The following KIRREL1 variants were observed in gnomAD, a reference collection of about 807,000 sequenced individuals.
The protein encoded by KIRREL1 is kin of IRRE-like protein 1.
KIRREL1 carries 25 observed loss-of-function variants against 83.3 expected under a neutral mutation model. That is an observed-to-expected ratio of 0.30 (90% CI 0.22 to 0.42). KIRREL1 has a LOEUF of 0.42. Ranked by LOEUF, KIRREL1 falls within the 10% of genes least tolerant of loss-of-function variation. The pLI, the probability that KIRREL1 is intolerant of heterozygous loss-of-function variation, is 1.00. For synonymous variants in KIRREL1, 388 were observed against 410.4 expected (o/e 0.95, Z 0.66); for missense variants, 812 against 1,032.3 (o/e 0.79, Z 2.92).
Position 157,994,094 on chromosome 1 carries a change from G to A in KIRREL1, c.52+366G>A, listed in dbSNP as rs1211470400. 3.3e-5 allele frequency among the ~76,000 whole-genome samples: 5 copies of A among 152,346 alleles called. No individual in the cohort carries two copies. The East Asian group carries it at 5.8e-4, about 18-fold the overall frequency. Reference sequence around the variant, plus strand: ...TGAGGCCGGGGTTCCGGACGCCTGAGTCCAGCCTAAGGGCAAGGCTGGGAA... The same window carrying A: ...TGAGGCCGGGGTTCCGGACGCCTGAATCCAGCCTAAGGGCAAGGCTGGGAA... On this transcript the variant is annotated intron_variant, in intron 1 of 14. Coordinates refer to ENST00000359209, the MANE Select transcript of KIRREL1 (RefSeq NM_018240.7).
chr1:158,076,331 T>C (rs1452566760), intron 2 of KIRREL1, 69 bp downstream of exon 2: 22 of 1,435,660 alleles, frequency 1.5e-5, no homozygotes, highest in Non-Finnish European at 2.1e-5. Flanking sequence ...CCAGCATAGA[T>C]TCCTGGACTC....
chr1:158,042,926 A>AAT (rs1660673453), intron 1 of KIRREL1, among the ~76,000 whole-genome samples: 1 of 150,494 alleles, frequency 6.6e-6, no homozygotes, highest in Admixed American at 6.6e-5. Flanking sequence ...AAAAAAAAAA[A>AAT]AATACAAAAA....
At chr1:158,020,150 C>T (rs570605173) in intron 1 of KIRREL1, among the ~76,000 whole-genome samples, 1 of 152,122 alleles carries the variant, frequency 6.6e-6, no homozygotes, top group Admixed American at 6.6e-5. Context: ...AGTCAGGTCT[C>T]TCTCTTTCTG....
chr1:158,002,816 C>T (rs1041654980), intron 1 of KIRREL1, among the ~76,000 whole-genome samples: 1 of 152,008 alleles, frequency 6.6e-6, no homozygotes, highest in East Asian at 1.9e-4. Context: ...TGTGGTGCCA[C>T]GAGATATCCA....
rs1213280063 is a variant in KIRREL1 at position 158,089,805 on chromosome 1, C to A, written c.1259C>A (p.Pro420His). 1 of 1,614,002 alleles carries A rather than the reference C, an allele frequency of 6.2e-7. No individual in the cohort carries two copies. Among genetic ancestry groups the A allele is most frequent in the South Asian group, 1.1e-5 (1 of 91,070 alleles). ...KVECFIGSTP[P>H]PDRIAWAWKE... Reference sequence around the variant, plus strand: ...GAGTGTTTCATTGGGAGCACACCACCCCCAGACCGCATAGTGAGTGGCGGA... The same window carrying A: ...GAGTGTTTCATTGGGAGCACACCACACCCAGACCGCATAGTGAGTGGCGGA... The change falls in exon 10 of 15, where the codon CCC (proline) becomes CAC (histidine). Residue 420 changes from proline to histidine, a missense_variant. Pro to His is a moderately conservative substitution (Grantham distance 77). This residue lies in a region of KIRREL1 where 472 missense variants were observed against 626.8 expected (regional missense o/e 0.75). Transcript: ENST00000359209.
At position 157,997,308 on chromosome 1, in the gene KIRREL1, C is replaced by T. The variant is rs558586838; in HGVS notation, c.52+3580C>T. Among the ~76,000 whole-genome samples the T allele has an allele frequency of 2.6e-5, 4 of 152,246 alleles. No individual in the cohort carries two copies. In the East Asian group the frequency reaches 7.7e-4, roughly 29 times the overall value. ...GTAATACCTCATAGGGTTGTGGTGG[C>T]ACTTGAATATGTTAATCCATGTAAC... On this transcript the variant is annotated intron_variant, in intron 1 of 14. Coordinates refer to ENST00000359209, the MANE Select transcript of KIRREL1 (RefSeq NM_018240.7).
intron 1 of KIRREL1, among the ~76,000 whole-genome samples, chr1:158,020,146 GTCTC>G (rs1160436919): frequency 2.0e-5 from 3 of 152,122 alleles, no homozygotes; most frequent in African/African-American, 7.2e-5. Context: ...AACCAGTCAG[GTCTC>G]TCTCTTTCTG....
intron 2 of KIRREL1, among the ~76,000 whole-genome samples, 174 bp downstream of exon 2, chr1:158,076,436 A>G (rs1313379207): frequency 2.0e-5 from 3 of 152,162 alleles, no homozygotes; most frequent in African/African-American, 7.2e-5. Context: ...CCCACCCTGC[A>G]GCTCTACCTT....
rs191056970 is a variant in KIRREL1, at chr1:158,058,953, C to T, written c.53-17160C>T. ...GTCCTGAGAGATGTGGAGGGCCTTG[C>T]TCTTTGGAGATGCAGAGAGGGAGTG... On this transcript the variant is annotated intron_variant, in intron 1 of 14. Coordinates refer to ENST00000359209, the MANE Select transcript of KIRREL1 (RefSeq NM_018240.7). 7.2e-5 allele frequency among the ~76,000 whole-genome samples: 11 copies of T among 152,300 alleles called. No homozygotes were observed. The East Asian group carries it at 1.9e-3, about 27-fold the overall frequency.
rs1275053656 is a variant in KIRREL1 at position 158,093,335 on chromosome 1, A to G, written c.1472-4A>G. ...CCCCTCCACCTTTCCTTCCCCATCG[A>G]AAGAGGTGTTACCTGTGGGCATCAT... On this transcript the variant is annotated splice_region_variant and splice_polypyrimidine_tract_variant and intron_variant, in intron 11 of 14. Transcript: ENST00000359209. The G allele has an allele frequency of 6.2e-7, 1 of 1,613,092 alleles. No homozygotes were observed. The highest frequency in any genetic ancestry group is 1.3e-5 in the African/African-American group (1 of 75,048).
chr1:157,999,861 A>T (rs747849940), intron 1 of KIRREL1, among the ~76,000 whole-genome samples: 5 of 152,158 alleles, frequency 3.3e-5, no homozygotes, highest in Non-Finnish European at 5.9e-5. Flanking sequence ...AGAGTGGGGG[A>T]GAAATCCGTT....
intron 1 of KIRREL1, among the ~76,000 whole-genome samples, chr1:158,042,468 T>C (rs1660656213): frequency 6.6e-6 from 1 of 152,210 alleles, no homozygotes; most frequent in African/African-American, 2.4e-5. Context: ...CTCTGTTACC[T>C]GAGCCTCAGT....
intron 1 of KIRREL1, among the ~76,000 whole-genome samples, chr1:157,999,422 T>C (rs1280466955): frequency 6.6e-6 from 1 of 152,148 alleles, no homozygotes; most frequent in Admixed American, 6.5e-5. Context: ...ACTCATCCTA[T>C]GGTGTAGGCA....
chr1:158,089,436 G>A, intron 8 of KIRREL1, 66 bp from the exon 9 acceptor site: 2 of 1,596,704 alleles, frequency 1.3e-6, no homozygotes, highest in Non-Finnish European at 1.7e-6. Flanking sequence ...CTCCGATGTG[G>A]GGCCCTCATG....
In KIRREL1 at chr1:158,020,488, A is replaced by C. The variant is rs546064304; in HGVS notation, c.52+26760A>C. Among the ~76,000 whole-genome samples the C allele has an allele frequency of 1.7e-4, 26 of 151,954 alleles. No individual in the cohort carries two copies. The South Asian group carries it at 3.5e-3, about 21-fold the overall frequency. On this transcript the variant is annotated intron_variant, in intron 1 of 14. Transcript: ENST00000359209. ...TCATAGTGGGTTGTTAAGCTCCTGC[A>C]CTAGACTATAATGCTACTTGTGGAT...
At chr1:158,068,770 A>G (rs556621900) in intron 1 of KIRREL1, among the ~76,000 whole-genome samples, 2 of 150,926 alleles carry the variant, frequency 1.3e-5, no homozygotes, top group South Asian at 4.2e-4. Context: ...TGGCTGTTGT[A>G]TTTTTCATAG....
Position 158,089,640 on chromosome 1 carries a change from G to A in KIRREL1, c.1171+12G>A, listed in dbSNP as rs745970000. 1.9e-6 allele frequency: 3 copies of A among 1,613,336 alleles called. No homozygotes were observed. The highest frequency in any genetic ancestry group is 3.3e-5 in the Admixed American group (2 of 59,998). On this transcript the variant is annotated intron_variant, in intron 9 of 14. Coordinates refer to ENST00000359209, the MANE Select transcript of KIRREL1 (RefSeq NM_018240.7). ...GCTCTATGTGAACGGTGAGTGAGTG[G>A]CCTGAGAGGCAGCCGGGCCTGGGCG...
Position 158,089,591 on chromosome 1 carries a change from C to T in KIRREL1, c.1134C>T (p.Ile378=), listed in dbSNP as rs146308217. ...CCTGCCGGGCCATCGTGCCTCGAAT[C>T]GGAGTGGCTGAGCGGGAGGTGCCGC... The part of the protein sequence containing the change: ...TYTCRAIVPR[I]GVAEREVPLY... Residue 378 remains isoleucine, a synonymous_variant, in exon 9 of 15, where the codon ATC becomes ATT. Transcript: ENST00000359209. 3.1e-3 allele frequency: 5,035 copies of T among 1,613,864 alleles called. 16 individuals are homozygous for T. The highest frequency in any genetic ancestry group is 4.0e-3 in the Non-Finnish European group (4,718 of 1,179,880).
intron 1 of KIRREL1, among the ~76,000 whole-genome samples, chr1:158,071,310 C>A (rs567709502): frequency 4.0e-4 from 61 of 152,322 alleles, no homozygotes; most frequent in African/African-American, 1.4e-3. Flanking sequence ...CTCTGTTTCT[C>A]AGCGTTGTCT....
Sources: gnomAD v4.1 joint callset for allele counts (sites outside exome capture counted in the v4.1 genomes callset) on GRCh38, gnomAD v4.1.1 for gene constraint, gnomAD v4.1.1 regional missense constraint, MANE v1.5 for transcripts, NCBI Gene and HGNC (gene_info 2026-07-23, HGNC 2026-07-21) for gene names.